RYR2: variants seen among roughly 807,000 people sequenced by gnomAD.
The protein encoded by RYR2 is ryanodine receptor 2.
Under a neutral mutation model 601.1 loss-of-function variants are expected in RYR2, and 227 were observed. The ratio of observed to expected loss-of-function variants is 0.38; its 90% CI spans 0.34 to 0.42. The LOEUF (loss-of-function observed/expected upper bound fraction) is 0.42. Ranked by LOEUF, RYR2 falls within the 10% of genes least tolerant of loss-of-function variation. The probability of loss-of-function intolerance (pLI) is 1.00; values close to 1 mark genes in which losing one functional copy is unlikely to be tolerated. For missense variants in RYR2, 4,646 were observed against 6,156.5 expected (o/e 0.75, Z 8.21); for synonymous variants, 2,223 against 2,175.1 (o/e 1.02, Z -0.61).
intron 80 of RYR2, 144 bp from the exon 81 acceptor site, chr1:237,756,144 C>A (rs1046366198): frequency 9.3e-5 from 50 of 536,916 alleles, no homozygotes; most frequent in Non-Finnish European, 1.7e-4. Flanking sequence ...TTAATAATAT[C>A]TGTTGAAGAA....
chr1:237,284,316 G>A (rs998085396), intron 2 of RYR2, among the ~76,000 whole-genome samples: 3 of 150,258 alleles, frequency 2.0e-5, no homozygotes, highest in South Asian at 2.1e-4. Flanking sequence ...GGAGGCGGAC[G>A]TTGCAGTGAG....
At chr1:237,070,031 CTT>C (rs3056163) in intron 1 of RYR2, among the ~76,000 whole-genome samples, 2 of 135,780 alleles carry the variant, frequency 1.5e-5, no homozygotes. Context: ...GGTGTTTTAA[CTT>C]TTTTTTTTTT....
At chr1:237,478,498 A>G (rs1055841874) in intron 17 of RYR2, among the ~76,000 whole-genome samples, 6 of 152,210 alleles carry the variant, frequency 3.9e-5, no homozygotes, top group Non-Finnish European at 8.8e-5. Flanking sequence ...TGGTAGCTAC[A>G]AGATTAATTT....
At chr1:237,593,442 A>T (rs1309992202) in intron 32 of RYR2, 34 bp from the exon 33 acceptor site, 1 of 1,567,322 alleles carries the variant, frequency 6.4e-7, no homozygotes, top group African/African-American at 1.4e-5. Flanking sequence ...GTTTAGTTTT[A>T]CTTTGCCAAT....
chr1:237,545,864 G>A (rs569072044), intron 25 of RYR2, among the ~76,000 whole-genome samples: 13 of 151,650 alleles, frequency 8.6e-5, no homozygotes, highest in East Asian at 1.9e-4. Flanking sequence ...GTTGAAGAGC[G>A]GCCTGGGCAA....
At chr1:237,482,128 C>A (rs1296172396) in intron 17 of RYR2, among the ~76,000 whole-genome samples, 1 of 152,094 alleles carries the variant, frequency 6.6e-6, no homozygotes, top group African/African-American at 2.4e-5. Flanking sequence ...GTGAAATAAG[C>A]ACATCATGGA....
rs376070478 is a variant in RYR2, at chr1:237,652,690, A to G, written c.7824+1189A>G. Among the ~76,000 whole-genome samples the G allele has an allele frequency of 3.3e-5, 5 of 152,328 alleles. No homozygotes were observed. In the East Asian group the frequency reaches 7.7e-4, roughly 24 times the overall value. On this transcript the variant is annotated intron_variant, in intron 51 of 104. Transcript: ENST00000366574. ...TTTTTATGTTTTTTTGTCATCTTCA[A>G]TAGTCCTTGTCTTGCAAAATTTTTT...
chr1:237,825,877 C>G (rs1171796063), intron 101 of RYR2, among the ~76,000 whole-genome samples: 1 of 152,126 alleles, frequency 6.6e-6, no homozygotes, highest in African/African-American at 2.4e-5. Context: ...AGACACTTCT[C>G]AAAAGACGAC....
At chr1:237,485,511 T>C (rs1242665920) in intron 17 of RYR2, among the ~76,000 whole-genome samples, 4 of 152,210 alleles carry the variant, frequency 2.6e-5, no homozygotes, top group African/African-American at 9.7e-5. Flanking sequence ...CTCAGGGCAT[T>C]GGTAAAGACT....
intron 1 of RYR2, among the ~76,000 whole-genome samples, chr1:237,112,652 G>A (rs1481190252): frequency 6.7e-6 from 1 of 148,642 alleles, no homozygotes; most frequent in East Asian, 2.0e-4. Flanking sequence ...ATGCTTTTTT[G>A]CTCTGATCCA....
intron 99 of RYR2, among the ~76,000 whole-genome samples, chr1:237,807,763 T>C (rs901662851): frequency 6.6e-6 from 1 of 152,208 alleles, no homozygotes; most frequent in Non-Finnish European, 1.5e-5. Context: ...AAACCCTCTG[T>C]TAAGGTAACA....
chr1:237,169,886 T>G (rs1021117804), intron 1 of RYR2, among the ~76,000 whole-genome samples: 1 of 152,196 alleles, frequency 6.6e-6, no homozygotes, highest in African/African-American at 2.4e-5. Context: ...TGTAAAAGTT[T>G]CCTTTAAAAT....
intron 1 of RYR2, among the ~76,000 whole-genome samples, chr1:237,217,365 G>A (rs1279554435): frequency 2.0e-5 from 3 of 149,702 alleles, no homozygotes; most frequent in Non-Finnish European, 3.0e-5. Context: ...CACTGTGCAT[G>A]TACCTAAAGT....
chr1:237,229,076 C>G (rs1373395149), intron 1 of RYR2, among the ~76,000 whole-genome samples: 2 of 152,088 alleles, frequency 1.3e-5, no homozygotes, highest in Non-Finnish European at 1.5e-5. Flanking sequence ...CGTGGTCTCA[C>G]ACTAAATGGG....
chr1:237,170,692 A>G (rs1677259823), intron 1 of RYR2, among the ~76,000 whole-genome samples: 1 of 152,246 alleles, frequency 6.6e-6, no homozygotes, highest in South Asian at 2.1e-4. Flanking sequence ...GCAGATATAG[A>G]AGATCTTTCA....
intron 1 of RYR2, among the ~76,000 whole-genome samples, chr1:237,196,748 C>T (rs868518718): frequency 2.6e-5 from 4 of 152,066 alleles, no homozygotes; most frequent in African/African-American, 9.7e-5. Flanking sequence ...CTAACTATTC[C>T]GGGCACTTTG....
At chr1:237,746,582 C>G (rs966867825) in intron 80 of RYR2, among the ~76,000 whole-genome samples, 1 of 151,908 alleles carries the variant, frequency 6.6e-6, no homozygotes, top group Non-Finnish European at 1.5e-5. Flanking sequence ...TTAAAACGTG[C>G]CTGATTTAAC....
chr1:237,317,636 A>G (rs1342877627), intron 2 of RYR2, among the ~76,000 whole-genome samples: 1 of 152,010 alleles, frequency 6.6e-6, no homozygotes, highest in African/African-American at 2.4e-5. Flanking sequence ...AATACGGTTT[A>G]ACTTCTTTTC....
intron 1 of RYR2, among the ~76,000 whole-genome samples, chr1:237,056,485 T>C (rs1172646850): frequency 7.1e-6 from 1 of 141,126 alleles, no homozygotes; most frequent in African/African-American, 2.7e-5. Flanking sequence ...GACTAGAGAC[T>C]GCACCTGTGA....
Sources: gnomAD v4.1 joint callset for allele counts (sites outside exome capture counted in the v4.1 genomes callset) on GRCh38, gnomAD v4.1.1 for gene constraint, MANE v1.5 for transcripts, NCBI Gene and HGNC (gene_info 2026-07-23, HGNC 2026-07-21) for gene names.